The following AIM2 variants were observed in gnomAD, a reference collection of about 807,000 sequenced individuals.
AIM2 encodes the protein interferon-inducible protein AIM2.
Under a neutral mutation model 27.7 loss-of-function variants are expected in AIM2, and 30 were observed. The ratio of observed to expected loss-of-function variants is 1.08; its 90% CI spans 0.81 to 1.47. The LOEUF is 1.47. Among genes scored for constraint, AIM2 ranks in the 40% most tolerant of loss-of-function variants. The pLI is 0.00. For synonymous variants in AIM2, 141 were observed against 145.3 expected, an observed-to-expected ratio of 0.97 and a Z score of 0.21; for missense variants, 358 against 411.3, an observed-to-expected ratio of 0.87 and a Z score of 1.12.
chr1:159,061,240 T>G (rs909074268), downstream of AIM2, among the ~76,000 whole-genome samples: 1 of 152,212 alleles, frequency 6.6e-6, no homozygotes. Context: ...CTCACTGTAG[T>G]TTTAGTTTCC....
chr1:159,129,345 G>A (rs1216278960), intron 1 of AIM2, among the ~76,000 whole-genome samples: 1 of 152,176 alleles, frequency 6.6e-6, no homozygotes, highest in Non-Finnish European at 1.5e-5. Context: ...GGGGAAATTT[G>A]TTATGGCATC....
chr1:159,095,660 G>T (rs1030919720), intron 1 of AIM2, among the ~76,000 whole-genome samples: 1 of 151,984 alleles, frequency 6.6e-6, no homozygotes, highest in Non-Finnish European at 1.5e-5. Context: ...AAGGTACCAC[G>T]TTTGTCTTGA....
chr1:159,132,232 G>T (rs1647906332), intron 1 of AIM2: 1 of 151,334 alleles, frequency 6.6e-6, no homozygotes, highest in Admixed American at 6.6e-5. Context: ...GCTGGGAGTG[G>T]TGGCGGGTAC....
At chr1:159,071,486 A>T (rs1238787812) in intron 2 of AIM2, among the ~76,000 whole-genome samples, 1 of 152,242 alleles carries the variant, frequency 6.6e-6, no homozygotes, top group Non-Finnish European at 1.5e-5. Flanking sequence ...CTTGTATAGC[A>T]TGCAAGAAGC....
At chr1:159,075,418 T>A (rs905625199) in intron 1 of AIM2, among the ~76,000 whole-genome samples, 3 of 151,684 alleles carry the variant, frequency 2.0e-5, no homozygotes, top group African/African-American at 7.3e-5. Flanking sequence ...AAAAAATTTG[T>A]CAAATGTGAT....
intron 1 of AIM2, among the ~76,000 whole-genome samples, chr1:159,104,965 C>T (rs9970350): frequency 0.038 from 5,786 of 152,272 alleles, 378 homozygotes; most frequent in East Asian, 0.27. Context: ...TTTCACCAGC[C>T]GGAAACCCCT....
intron 1 of AIM2, among the ~76,000 whole-genome samples, chr1:159,107,212 A>G (rs544830369): frequency 6.6e-6 from 1 of 152,270 alleles, no homozygotes; most frequent in South Asian, 2.1e-4. Context: ...TAGAGCTTGC[A>G]GTGACCTGAT....
At chr1:159,101,065 A>G (rs1032544146) in intron 1 of AIM2, among the ~76,000 whole-genome samples, 1 of 152,036 alleles carries the variant, frequency 6.6e-6, no homozygotes, top group Non-Finnish European at 1.5e-5. Flanking sequence ...AACATCACAT[A>G]TACTCATATG....
chr1:159,114,755 C>T lies in AIM2; in HGVS notation c.-16+25676G>A, dbSNP rs537451373. 1.5e-3 allele frequency among the ~76,000 whole-genome samples: 223 copies of T among 152,240 alleles called. 1 individual carries two copies. Among genetic ancestry groups the T allele is most frequent in the South Asian group, 3.7e-3 (18 of 4,816 alleles). On this transcript the variant is annotated intron_variant, in intron 1 of 2. Coordinates refer to the AIM2 transcript ENST00000368129. ...TGAATGGGCAAAAACTGGAAGCATT[C>T]CCTTTGAAAACTGGCACAAGACAGG...
At chr1:159,110,964 C>T (rs1368726827) in intron 1 of AIM2, among the ~76,000 whole-genome samples, 1 of 152,068 alleles carries the variant, frequency 6.6e-6, no homozygotes, top group Non-Finnish European at 1.5e-5. Context: ...GGGAATTATA[C>T]TTACGCTAAT....
At chr1:159,114,665 G>A (rs532911274) in intron 1 of AIM2, among the ~76,000 whole-genome samples, 5 of 152,290 alleles carry the variant, frequency 3.3e-5, no homozygotes, top group East Asian at 3.9e-4. Flanking sequence ...AGCCAAGATC[G>A]TGCTACTGCA....
chr1:159,105,124 G>C (rs771970820), intron 1 of AIM2, among the ~76,000 whole-genome samples: 9 of 152,202 alleles, frequency 5.9e-5, no homozygotes, highest in Non-Finnish European at 1.2e-4. Context: ...CAAGGGGTGT[G>C]TGAGCGAGCA....
intron 1 of AIM2, among the ~76,000 whole-genome samples, chr1:159,084,699 T>A (rs1225325920): frequency 6.6e-6 from 1 of 151,678 alleles, no homozygotes; most frequent in African/African-American, 2.4e-5. Flanking sequence ...CTTGATTGTC[T>A]AGGAGTTTGA....
At chr1:159,133,288 A>G (rs1189831302) in intron 1 of AIM2, among the ~76,000 whole-genome samples, 1 of 152,236 alleles carries the variant, frequency 6.6e-6, no homozygotes, top group African/African-American at 2.4e-5. Flanking sequence ...AACTACAGAT[A>G]CAAGTTTGGT....
At chr1:159,101,242 T>C (rs890852884) in intron 1 of AIM2, among the ~76,000 whole-genome samples, 1 of 152,134 alleles carries the variant, frequency 6.6e-6, no homozygotes, top group Non-Finnish European at 1.5e-5. Flanking sequence ...TGGGTTCTCA[T>C]GAGATCTGAT....
At chr1:159,084,809 A>ACACACACACG (rs1191213615) in intron 1 of AIM2, among the ~76,000 whole-genome samples, 1 of 147,088 alleles carries the variant, frequency 6.8e-6, no homozygotes, top group Non-Finnish European at 1.5e-5. Context: ...ACACACACAC[A>ACACACACACG]CACACATACA....
intron 1 of AIM2, among the ~76,000 whole-genome samples, chr1:159,146,365 T>C (rs757502399): frequency 1.1e-4 from 17 of 152,236 alleles, no homozygotes; most frequent in Non-Finnish European, 1.9e-4. Flanking sequence ...TATCCTGCTG[T>C]TTCTAACCCC....
chr1:159,063,340 G>C (rs910225081), intron 5 of AIM2, 146 bp downstream of exon 5: 2 of 681,074 alleles, frequency 2.9e-6, no homozygotes, highest in African/African-American at 1.8e-5. Context: ...TAAGAGGGAG[G>C]TTCCTCAGTT....
At chr1:159,107,342 T>G (rs1413152881) in intron 1 of AIM2, among the ~76,000 whole-genome samples, 1 of 145,198 alleles carries the variant, frequency 6.9e-6, no homozygotes, top group African/African-American at 2.6e-5. Context: ...GCGCGCACTA[T>G]AGCATGTTAC....
Sources: gnomAD v4.1 joint callset for allele counts (sites outside exome capture counted in the v4.1 genomes callset) on GRCh38, gnomAD v4.1.1 for gene constraint, MANE v1.5 for transcripts, NCBI Gene and HGNC (gene_info 2026-07-23, HGNC 2026-07-21) for gene names.